The following COL24A1 variants were observed in gnomAD, a reference collection of about 807,000 sequenced individuals.
COL24A1 encodes the protein collagen alpha-1(XXIV) chain.
In COL24A1, 224 loss-of-function variants were observed where a neutral mutation model predicts 253.9. The ratio of observed to expected loss-of-function variants is 0.88; its 90% CI spans 0.79 to 0.99. COL24A1 has a LOEUF of 0.99. COL24A1 is among the 50% of genes least tolerant of loss of function. COL24A1 has a pLI of 0.00. For missense variants in COL24A1, 2,131 were observed against 2,068.5 expected (o/e 1.03, Z -0.59); for synonymous variants, 685 against 673.7 (o/e 1.02, Z -0.26).
intron 57 of COL24A1, 32 bp from the exon 58 acceptor site, chr1:85,737,537 G>A (rs1369101912): frequency 6.0e-6 from 8 of 1,338,150 alleles, no homozygotes; most frequent in African/African-American, 1.5e-5. Flanking sequence ...TAAAGTTAAA[G>A]TTATTAAATG....
intron 7 of COL24A1, among the ~76,000 whole-genome samples, chr1:86,088,913 T>C (rs1004020029): frequency 3.3e-5 from 5 of 152,084 alleles, no homozygotes; most frequent in African/African-American, 1.2e-4. Flanking sequence ...AATTGAAGGG[T>C]CTTCTTTTAT....
At chr1:85,991,761 G>C (rs916026327) in intron 19 of COL24A1, among the ~76,000 whole-genome samples, 1 of 152,066 alleles carries the variant, frequency 6.6e-6, no homozygotes, top group Admixed American at 6.6e-5. Flanking sequence ...AGAAGAAAAA[G>C]ATGTCAACAC....
chr1:85,914,226 A>G (rs1457394451), intron 24 of COL24A1, among the ~76,000 whole-genome samples: 2 of 151,956 alleles, frequency 1.3e-5, no homozygotes, highest in African/African-American at 4.8e-5. Context: ...AGTTTTAAAT[A>G]CCTGCTATGG....
chr1:85,845,203 T>C (rs969769048), intron 39 of COL24A1, among the ~76,000 whole-genome samples: 4 of 151,916 alleles, frequency 2.6e-5, no homozygotes, highest in Admixed American at 1.3e-4. Context: ...AACTCATGGT[T>C]GATTCAACTT....
At chr1:86,094,498 G>A (rs1451914625) in intron 5 of COL24A1, among the ~76,000 whole-genome samples, 2 of 151,896 alleles carry the variant, frequency 1.3e-5, no homozygotes, top group South Asian at 2.1e-4. Context: ...AGGTGGGAGA[G>A]GATCAGGAAA....
intron 12 of COL24A1, among the ~76,000 whole-genome samples, chr1:86,035,759 A>T (rs1230681445): frequency 2.0e-5 from 3 of 152,190 alleles, no homozygotes; most frequent in Non-Finnish European, 4.4e-5. Flanking sequence ...CTTAAAAAAC[A>T]ACCTGAACAA....
intron 14 of COL24A1, among the ~76,000 whole-genome samples, chr1:86,025,574 A>G (rs1191417561): frequency 1.3e-5 from 2 of 152,174 alleles, no homozygotes; most frequent in African/African-American, 4.8e-5. Flanking sequence ...AATTTAGATA[A>G]AGCAATAGCA....
intron 57 of COL24A1, among the ~76,000 whole-genome samples, chr1:85,739,859 C>A (rs1266560814): frequency 2.0e-5 from 3 of 152,136 alleles, no homozygotes; most frequent in Non-Finnish European, 4.4e-5. Context: ...CATATCCTAG[C>A]TTTTGTTATT....
chr1:85,967,693 C>G (rs767879902), intron 22 of COL24A1, among the ~76,000 whole-genome samples: 14 of 152,148 alleles, frequency 9.2e-5, no homozygotes, highest in Non-Finnish European at 2.1e-4. Flanking sequence ...TGGTCCACCT[C>G]AGAAGATCAT....
At chr1:85,744,607 A>G (rs1665004580) in intron 57 of COL24A1, 59 bp downstream of exon 57, 1 of 1,411,322 alleles carries the variant, frequency 7.1e-7, no homozygotes, top group Admixed American at 1.9e-5. Context: ...CAAATCTCAA[A>G]CACACTGAAA....
chr1:85,857,250 T>C (rs1423056307), intron 37 of COL24A1, among the ~76,000 whole-genome samples: 1 of 151,938 alleles, frequency 6.6e-6, no homozygotes, highest in Non-Finnish European at 1.5e-5. Context: ...GATTCCTATA[T>C]GATGTAGATG....
chr1:85,949,071 T>C (rs892352807), intron 24 of COL24A1, among the ~76,000 whole-genome samples: 1 of 152,174 alleles, frequency 6.6e-6, no homozygotes, highest in African/African-American at 2.4e-5. Flanking sequence ...TCTACTATAC[T>C]ATGAAAGCAA....
intron 24 of COL24A1, among the ~76,000 whole-genome samples, chr1:85,955,083 C>T (rs1261407092): frequency 6.6e-6 from 1 of 152,176 alleles, no homozygotes; most frequent in Non-Finnish European, 1.5e-5. Context: ...CCATCCTGTG[C>T]CGCTATAAGC....
At position 85,784,458 on chromosome 1, in the gene COL24A1, G is replaced by A. The variant is rs186623197; in HGVS notation, c.4060-92C>T. The A allele has an allele frequency of 3.2e-5, 27 of 853,088 alleles. No homozygotes were observed. The South Asian group carries it at 3.4e-4, about 11-fold the overall frequency. The allele number at this position is 853,088 out of a possible 1,614,324, so 52.8% of individuals were successfully genotyped here. A position where few individuals can be genotyped will look rare whatever the true frequency, so the allele number is the denominator to read the frequency against. On this transcript the variant is annotated intron_variant, in intron 48 of 59. Coordinates refer to ENST00000370571, the MANE Select transcript of COL24A1 (RefSeq NM_152890.7). ...AACCCAAATACAGGCCCATCCTTAGGCCCATTCCATAAATACAAGGCACTG... is the reference window on the plus strand; with the variant it reads ...AACCCAAATACAGGCCCATCCTTAGACCCATTCCATAAATACAAGGCACTG...
intron 12 of COL24A1, among the ~76,000 whole-genome samples, chr1:86,038,539 G>A (rs1048602341): frequency 4.6e-5 from 7 of 152,084 alleles, no homozygotes; most frequent in Non-Finnish European, 8.8e-5. Flanking sequence ...CCTCAATGAT[G>A]GACCTCAGTG....
At chr1:86,053,342 A>G (rs1700451390) in intron 10 of COL24A1, among the ~76,000 whole-genome samples, 1 of 152,106 alleles carries the variant, frequency 6.6e-6, no homozygotes, top group Non-Finnish European at 1.5e-5. Context: ...CATAGCCTGT[A>G]CAGAGTGTAA....
rs1406191708 is a variant in COL24A1, at chr1:85,997,039, A to G, written c.2311-9385T>C. Among the ~76,000 whole-genome samples the G allele has an allele frequency of 1.4e-3, 69 of 48,418 alleles. 2 individuals are homozygous for G. The highest frequency in any genetic ancestry group is 6.1e-3 in the East Asian group (10 of 1,650). The allele number at this position is 48,418 out of a possible 152,430, so 31.8% of individuals were successfully genotyped here. On this transcript the variant is annotated intron_variant, in intron 19 of 59. Transcript: ENST00000370571. Reference sequence around the variant, plus strand: ...TATATGTGTGTGTGTATATATATATATATGTGTGTGTGTGTGTATATATAT... The same window carrying G: ...TATATGTGTGTGTGTATATATATATGTATGTGTGTGTGTGTGTATATATAT...
chr1:86,125,531 G>GA lies in COL24A1; in HGVS notation c.804dup (p.Pro269SerfsTer8). 6.2e-7 allele frequency: 1 copy of GA among 1,613,642 alleles called. No individual in the cohort carries two copies. Among genetic ancestry groups the GA allele is most frequent in the Non-Finnish European group, 8.5e-7 (1 of 1,179,772 alleles). ...TTTTCAGCAAATAGTTTGGGCGGGG[G>GA]AGAGTGTTCCGGTATCTTTGTTGGT... On this transcript the variant is annotated frameshift_variant, in exon 3 of 60. Coordinates refer to ENST00000370571, the MANE Select transcript of COL24A1 (RefSeq NM_152890.7). LOFTEE classifies it high-confidence loss of function.
At chr1:86,068,704 A>C (rs992729253) in intron 7 of COL24A1, among the ~76,000 whole-genome samples, 1 of 152,098 alleles carries the variant, frequency 6.6e-6, no homozygotes, top group African/African-American at 2.4e-5. Flanking sequence ...CATAACAAGG[A>C]AAGTGACTCT....
Sources: gnomAD v4.1 joint callset for allele counts (sites outside exome capture counted in the v4.1 genomes callset) on GRCh38, gnomAD v4.1.1 for gene constraint, MANE v1.5 for transcripts, NCBI Gene and HGNC (gene_info 2026-07-23, HGNC 2026-07-21) for gene names.